Variants in HIVEP3 observed in about 807,000 individuals in gnomAD.
HIVEP3 encodes transcription factor HIVEP3.
In HIVEP3, 49 loss-of-function variants were observed where a neutral mutation model predicts 152.8. The ratio of observed to expected loss-of-function variants is 0.32; its 90% CI spans 0.26 to 0.41. HIVEP3 has a LOEUF of 0.41. HIVEP3 is among the 10% of genes least tolerant of loss of function. HIVEP3 has a pLI of 1.00. For missense variants in HIVEP3, 2,790 were observed against 3,103.3 expected (o/e 0.90, Z 2.40); for synonymous variants, 1,269 against 1,289.0 (o/e 0.98, Z 0.33).
intron 1 of HIVEP3, among the ~76,000 whole-genome samples, chr1:41,709,221 T>C (rs1025951999): frequency 6.6e-6 from 1 of 152,190 alleles, no homozygotes; most frequent in Non-Finnish European, 1.5e-5. Context: ...TTTTCAGCTT[T>C]TGAACCACTC....
intron 4 of HIVEP3, among the ~76,000 whole-genome samples, chr1:41,576,464 C>T (rs1474074029): frequency 6.6e-6 from 1 of 152,220 alleles, no homozygotes; most frequent in Non-Finnish European, 1.5e-5. Flanking sequence ...GTCCTGTAAA[C>T]ACTGCAGTGT....
At chr1:41,773,384 A>G (rs147365933) in intron 1 of HIVEP3, among the ~76,000 whole-genome samples, 295 of 152,338 alleles carry the variant, frequency 1.9e-3, no homozygotes, top group African/African-American at 6.8e-3. Flanking sequence ...GATGGCGTTC[A>G]GTAGGGATGT....
At position 41,608,814 on chromosome 1, in the gene HIVEP3, G is replaced by A. The variant is rs1272635606; in HGVS notation, c.-522+19935C>T. ...CAGCTGGGCACGGTGGCTCACACCT[G>A]TAATCCCAGCACTTTGGGAGGCCAA... On this transcript the variant is annotated intron_variant, in intron 3 of 8. Coordinates refer to ENST00000372583, the MANE Select transcript of HIVEP3 (RefSeq NM_024503.5). Among the ~76,000 whole-genome samples, 4 of 151,836 alleles carry A rather than the reference G, an allele frequency of 2.6e-5. No individual in the cohort carries two copies. In the South Asian group the frequency reaches 6.2e-4, roughly 24 times the overall value.
Position 41,582,178 on chromosome 1 carries a change from G to A in HIVEP3, c.2620C>T (p.Pro874Ser), listed in dbSNP as rs368961781. ...PDRPDTEPEP[P>S]PKEPEKTEEF... ...TCAGTCTTCTCAGGTTCCTTAGGGG[G>A]CGGCTCTGGCTCTGTGTCCGGCCGG... is the stretch of plus-strand genomic sequence containing the variant. Residue 874 changes from proline to serine, a missense_variant, in exon 4 of 9, where the codon CCC (proline) becomes TCC (serine). Coordinates refer to ENST00000372583, the MANE Select transcript of HIVEP3 (RefSeq NM_024503.5). The surrounding 1 kb of genome is among the most constrained non-coding windows in gnomAD (Gnocchi z 4.7). The A allele has an allele frequency of 6.2e-7, 1 of 1,614,034 alleles. No individual in the cohort carries two copies. Among genetic ancestry groups the A allele is most frequent in the Non-Finnish European group, 8.5e-7 (1 of 1,179,988 alleles).
intron 1 of HIVEP3, among the ~76,000 whole-genome samples, chr1:41,950,968 G>A (rs546798394): frequency 6.6e-6 from 1 of 152,290 alleles, no homozygotes; most frequent in South Asian, 2.1e-4. Flanking sequence ...GGCATATTGA[G>A]CTAGTCAGTC....
intron 1 of HIVEP3, among the ~76,000 whole-genome samples, chr1:41,722,571 G>A (rs373349087): frequency 8.2e-6 from 1 of 121,340 alleles, no homozygotes; most frequent in East Asian, 2.7e-4. Flanking sequence ...CCTTCCTTCT[G>A]CCTGCCTTTC....
At chr1:41,863,116 T>C (rs1455863971) in intron 1 of HIVEP3, among the ~76,000 whole-genome samples, 1 of 152,208 alleles carries the variant, frequency 6.6e-6, no homozygotes, top group Non-Finnish European at 1.5e-5. Context: ...GTCACATACG[T>C]TCCCAGACGC....
intron 1 of HIVEP3, among the ~76,000 whole-genome samples, chr1:41,889,782 T>G (rs1046092656): frequency 2.0e-5 from 3 of 152,182 alleles, no homozygotes; most frequent in African/African-American, 7.2e-5. Context: ...ATTACCACGG[T>G]GACACTCCCA....
At chr1:41,621,896 C>A (rs1645052711) in intron 3 of HIVEP3, among the ~76,000 whole-genome samples, 1 of 152,190 alleles carries the variant, frequency 6.6e-6, no homozygotes, top group Non-Finnish European at 1.5e-5. Context: ...TCTTTCCCAC[C>A]CTGCAACATC....
chr1:41,518,544 C>T (rs1642673367), intron 6 of HIVEP3, 56 bp from the exon 7 acceptor site: 1 of 1,507,092 alleles, frequency 6.6e-7, no homozygotes, highest in Non-Finnish European at 9.2e-7. Flanking sequence ...CCAGGGCGGA[C>T]CCAGGGCTCA....
intron 6 of HIVEP3, among the ~76,000 whole-genome samples, chr1:41,520,737 T>C (rs1642739900): frequency 6.6e-6 from 1 of 152,188 alleles, no homozygotes; most frequent in Non-Finnish European, 1.5e-5. Flanking sequence ...ACAATAGCCA[T>C]GTATGGGAAA....
At chr1:41,700,597 GA>G (rs1402530780) in intron 2 of HIVEP3, among the ~76,000 whole-genome samples, 2 of 152,138 alleles carry the variant, frequency 1.3e-5, no homozygotes, top group Non-Finnish European at 2.9e-5. Context: ...TGCAGACAAG[GA>G]AACAGAGACC....
chr1:41,823,669 G>A (rs1338218724), intron 1 of HIVEP3, among the ~76,000 whole-genome samples: 1 of 152,212 alleles, frequency 6.6e-6, no homozygotes, highest in African/African-American at 2.4e-5. Context: ...GGGAGGGGCA[G>A]GGTGCAGAGA....
chr1:41,608,723 C>A (rs1373294161), intron 3 of HIVEP3, among the ~76,000 whole-genome samples: 4 of 152,162 alleles, frequency 2.6e-5, no homozygotes, highest in Admixed American at 6.5e-5. Flanking sequence ...ATGTTTCCGT[C>A]CCACGGATGA....
At chr1:41,964,773 C>A (rs991073821) in intron 1 of HIVEP3, among the ~76,000 whole-genome samples, 3 of 152,330 alleles carry the variant, frequency 2.0e-5, no homozygotes, top group African/African-American at 7.2e-5. Context: ...TGGGACAGAG[C>A]CCCTGGGGAA....
intron 1 of HIVEP3, among the ~76,000 whole-genome samples, chr1:41,777,920 C>T (rs542619550): frequency 6.6e-4 from 101 of 152,190 alleles, no homozygotes; most frequent in Admixed American, 4.0e-3. Context: ...CAGATTACCG[C>T]GTGCTTCACG....
chr1:41,956,985 A>C (rs547842954), intron 1 of HIVEP3, among the ~76,000 whole-genome samples: 1 of 152,238 alleles, frequency 6.6e-6, no homozygotes, highest in East Asian at 1.9e-4. Context: ...TCTTTTAGTC[A>C]AAACTATATG....
At chr1:41,950,851 C>T (rs1645102679) in intron 1 of HIVEP3, among the ~76,000 whole-genome samples, 1 of 152,144 alleles carries the variant, frequency 6.6e-6, no homozygotes, top group Admixed American at 6.6e-5. Context: ...CTTTGAGTTG[C>T]TGTTACAGAA....
chr1:41,771,262 T>G (rs1173527052), intron 1 of HIVEP3, among the ~76,000 whole-genome samples: 1 of 152,136 alleles, frequency 6.6e-6, no homozygotes, highest in Non-Finnish European at 1.5e-5. Flanking sequence ...AGTTGGTCTG[T>G]GAAGACCTTA....
Sources: allele counts gnomAD v4.1 joint callset (sites outside exome capture counted in the v4.1 genomes callset), GRCh38; gene constraint gnomAD v4.1.1; non-coding constraint Gnocchi (gnomAD v3.1); transcripts MANE v1.5; gene names NCBI Gene and HGNC (gene_info 2026-07-23, HGNC 2026-07-21).